The following SCHIP1 variants were observed in gnomAD, a reference collection of about 807,000 sequenced individuals.
SCHIP1 encodes schwannomin interacting protein 1.
Under a neutral mutation model 29.7 loss-of-function variants are expected in SCHIP1, and 8 were observed. The ratio of observed to expected loss-of-function variants is 0.27; its 90% CI spans 0.16 to 0.49. The LOEUF is 0.49. Ranked by LOEUF, SCHIP1 falls within the 20% of genes least tolerant of loss-of-function variation. The pLI is 0.99. For missense variants in SCHIP1, 193 were observed against 294.6 expected (o/e 0.66, Z 2.52); for synonymous variants, 76 against 94.9 (o/e 0.80, Z 1.16).
At chr3:159,592,803 G>C in the SCHIP1 span, among the ~76,000 whole-genome samples, 25 of 152,104 alleles carry the variant, frequency 1.6e-4, no homozygotes, top group Non-Finnish European at 3.1e-4. Flanking sequence ...TAAATGAAGA[G>C]AAAGGAAACA....
the SCHIP1 span, among the ~76,000 whole-genome samples, chr3:159,681,849 T>A: frequency 6.6e-6 from 1 of 151,548 alleles, no homozygotes; most frequent in African/African-American, 2.4e-5. Context: ...AACTCAACGT[T>A]AACTTAGGTT....
chr3:159,510,707 G>A, the SCHIP1 span, among the ~76,000 whole-genome samples: 13 of 150,206 alleles, frequency 8.7e-5, no homozygotes, highest in Admixed American at 4.0e-4. Context: ...TCAGCTGCAG[G>A]TCTGTTGGAG....
chr3:159,276,452 A>G, the SCHIP1 span, among the ~76,000 whole-genome samples: 1 of 152,186 alleles, frequency 6.6e-6, no homozygotes, highest in Non-Finnish European at 1.5e-5. Context: ...GTACCCTAGC[A>G]TCCCAGAGAA....
the SCHIP1 span, among the ~76,000 whole-genome samples, chr3:159,646,677 T>C: frequency 6.6e-6 from 1 of 152,126 alleles, no homozygotes; most frequent in South Asian, 2.1e-4. Flanking sequence ...AGCTGGTCTG[T>C]CATACCTCGT....
chr3:159,719,383 G>C, the SCHIP1 span, among the ~76,000 whole-genome samples: 2 of 152,172 alleles, frequency 1.3e-5, no homozygotes, highest in African/African-American at 4.8e-5. Context: ...ATTGACAAAT[G>C]GGATCTAATT....
the SCHIP1 span, among the ~76,000 whole-genome samples, chr3:159,391,303 G>A: frequency 6.6e-6 from 1 of 152,146 alleles, no homozygotes; most frequent in Non-Finnish European, 1.5e-5. Flanking sequence ...CCAAATGTTA[G>A]ATTTCAAGGT....
chr3:159,593,957 T>C, the SCHIP1 span, among the ~76,000 whole-genome samples: 1 of 152,216 alleles, frequency 6.6e-6, no homozygotes, highest in East Asian at 1.9e-4. Flanking sequence ...TGATCACCTC[T>C]GCTACTGGCC....
intron 2 of SCHIP1, among the ~76,000 whole-genome samples, chr3:159,881,870 G>A (rs535943964): frequency 1.3e-5 from 2 of 152,308 alleles, no homozygotes; most frequent in African/African-American, 4.8e-5. Flanking sequence ...GTCATCTCCG[G>A]TCAGCGAGGT....
At chr3:159,276,646 A>C in the SCHIP1 span, among the ~76,000 whole-genome samples, 1 of 152,208 alleles carries the variant, frequency 6.6e-6, no homozygotes, top group African/African-American at 2.4e-5. Context: ...ATTAAATATT[A>C]CTAGAAATGA....
chr3:159,867,729 C>G (rs1324698028), intron 2 of SCHIP1, among the ~76,000 whole-genome samples: 1 of 152,134 alleles, frequency 6.6e-6, no homozygotes, highest in Admixed American at 6.6e-5. Context: ...ACCTGGAGAT[C>G]TGAGGATTAG....
chr3:159,466,212 A>T, the SCHIP1 span, among the ~76,000 whole-genome samples: 1 of 152,104 alleles, frequency 6.6e-6, no homozygotes, highest in Non-Finnish European at 1.5e-5. Context: ...GTTGTTAAAA[A>T]CATGAGACTT....
the SCHIP1 span, among the ~76,000 whole-genome samples, chr3:159,678,808 CAG>C: frequency 2.6e-5 from 4 of 152,210 alleles, no homozygotes; most frequent in African/African-American, 9.7e-5. Flanking sequence ...CACCTCTTCA[CAG>C]AGTGGCAGAA....
At chr3:159,273,905 C>G in the SCHIP1 span, 1 of 1,612,316 alleles carries the variant, frequency 6.2e-7, no homozygotes, top group South Asian at 1.1e-5. Flanking sequence ...AAATGTCTAC[C>G]ATCTATTTTA....
chr3:159,608,435 A>G, the SCHIP1 span, among the ~76,000 whole-genome samples: 1 of 152,344 alleles, frequency 6.6e-6, no homozygotes, highest in Non-Finnish European at 1.5e-5. Context: ...TTTTTGGACT[A>G]GGACAGTTAC....
the SCHIP1 span, among the ~76,000 whole-genome samples, chr3:159,500,395 G>C: frequency 1.9e-3 from 285 of 152,180 alleles, 1 homozygote; most frequent in African/African-American, 6.7e-3. Context: ...CTTGACAACA[G>C]GTATTATTTC....
At chr3:159,791,113 T>C in the SCHIP1 span, among the ~76,000 whole-genome samples, 1 of 152,146 alleles carries the variant, frequency 6.6e-6, no homozygotes, top group Non-Finnish European at 1.5e-5. Context: ...AAGGTGGCCC[T>C]GGAACTTCCT....
chr3:159,362,912 C>T, the SCHIP1 span, among the ~76,000 whole-genome samples: 8 of 152,240 alleles, frequency 5.3e-5, no homozygotes, highest in African/African-American at 1.9e-4. Context: ...CCTGGATCAG[C>T]AATGCCATTG....
chr3:159,453,990 AG>A, the SCHIP1 span, among the ~76,000 whole-genome samples: 1 of 152,334 alleles, frequency 6.6e-6, no homozygotes, highest in South Asian at 2.1e-4. Context: ...AGCCCAAGCT[AG>A]GCCATGAATT....
the SCHIP1 span, among the ~76,000 whole-genome samples, chr3:159,357,479 T>C: frequency 2.0e-5 from 3 of 152,176 alleles, no homozygotes; most frequent in African/African-American, 7.2e-5. Flanking sequence ...CTCAGGTAAG[T>C]TCTATCAATG....
Sources: allele counts gnomAD v4.1 joint callset (sites outside exome capture counted in the v4.1 genomes callset), GRCh38; gene constraint gnomAD v4.1.1; transcripts MANE v1.5; gene names NCBI Gene and HGNC (gene_info 2026-07-23, HGNC 2026-07-21).